GATA2: variants seen among roughly 807,000 people sequenced by gnomAD.
GATA2 encodes endothelial transcription factor GATA-2.
A neutral mutation model predicts 35.7 loss-of-function variants in GATA2; 6 were observed. The observed-to-expected ratio is 0.17, with a 90% CI of 0.09 to 0.33. The LOEUF (loss-of-function observed/expected upper bound fraction) is 0.33. Ranked by LOEUF, GATA2 falls within the 10% of genes least tolerant of loss-of-function variation. The pLI is 1.00. For synonymous variants in GATA2, 313 were observed against 274.9 expected (o/e 1.14, Z -1.37); for missense variants, 541 against 656.6 (o/e 0.82, Z 1.92).
Position 128,479,475 on chromosome 3 carries a change from TAA to T in GATA2, c.*1542_*1543del, listed in dbSNP as rs1178466463. The T allele has an allele frequency of 8.6e-6, 2 of 232,502 alleles. No individual in the cohort carries two copies. The highest frequency in any genetic ancestry group is 2.2e-5 in the African/African-American group (1 of 45,284). The allele number at this position is 232,502 out of a possible 1,614,324, so 14.4% of individuals were successfully genotyped here. ...CTTAACAGTACTCACTTTAAAGGAA[TAA>T]GAGGATAGCATACATTTTTTACAGA... is the stretch of plus-strand genomic sequence containing the variant. On this transcript the variant is annotated 3_prime_UTR_variant, in exon 6 of 6. Transcript: ENST00000341105.
Position 128,488,370 on chromosome 3 carries a change from T to TA in GATA2, c.-45-1295dup, listed in dbSNP as rs1418931921. 6.6e-6 allele frequency: 1 copy of TA among 152,194 alleles called. No individual in the cohort carries two copies. Among genetic ancestry groups the TA allele is most frequent in the Non-Finnish European group, 1.5e-5 (1 of 68,116 alleles). 9.4% of individuals were successfully genotyped at this position (152,194 alleles called of 1,614,324 possible). On this transcript the variant is annotated intron_variant, in intron 1 of 5. Coordinates refer to ENST00000341105, the MANE Select transcript of GATA2 (RefSeq NM_032638.5). This position sits in a 1 kb window ranked among gnomAD's most constrained non-coding sequence, Gnocchi z 5.8. ...TACCTACCCAGACCGTTCCCTCCCC[T>TA]AGCTCGGGCGCTGTCTGGGTGGACT...
intron 1 of GATA2, chr3:128,490,359 G>A (rs141923494): frequency 2.6e-5 from 4 of 152,426 alleles, no homozygotes; most frequent in African/African-American, 9.6e-5. Context: ...GTTAAGGAGT[G>A]CTTGAGCAGG....
intron 3 of GATA2, among the ~76,000 whole-genome samples, chr3:128,485,353 C>T (rs2068680764): frequency 6.6e-6 from 1 of 152,180 alleles, no homozygotes; most frequent in Non-Finnish European, 1.5e-5. Context: ...CACACGCTCC[C>T]AAACACATGC....
At chr3:128,491,209 C>CCA (rs2068763359) in intron 1 of GATA2, among the ~76,000 whole-genome samples, 3 of 6,794 alleles carry the variant, frequency 4.4e-4, no homozygotes, top group Non-Finnish European at 8.1e-4. Context: ...GGCCGTCCAG[C>CCA]CCCCCCCCCC....
chr3:128,480,987 G>A lies in GATA2; in HGVS notation c.*32C>T, dbSNP rs374495352. The A allele has an allele frequency of 1.2e-4, 184 of 1,520,586 alleles. No homozygotes were observed. Among genetic ancestry groups the A allele is most frequent in the Middle Eastern group, 2.4e-4 (1 of 4,196 alleles). 94.2% of individuals were successfully genotyped at this position (1,520,586 alleles called of 1,614,324 possible). On this transcript the variant is annotated 3_prime_UTR_variant, in exon 6 of 6. Coordinates refer to ENST00000341105, the MANE Select transcript of GATA2 (RefSeq NM_032638.5). ...CTAAGGGTTTGGTCCACCCATCCCG[G>A]GAGTGCCCGGTCCTCGACGTCCATC...
Position 128,481,964 on chromosome 3 carries a change from T to G in GATA2, c.1018-20A>C. On this transcript the variant is annotated intron_variant, in intron 4 of 5. Transcript: ENST00000341105. ...GGCCGACTGGGAGGGCAAGGCAGCG[T>G]CAGCAGGCTGGACTCCCACGCCCAC... 6.2e-7 allele frequency: 1 copy of G among 1,611,868 alleles called. No homozygotes were observed. The highest frequency in any genetic ancestry group is 8.5e-7 in the Non-Finnish European group (1 of 1,179,956).
At chr3:128,484,623 A>G (rs147506805) in intron 3 of GATA2, among the ~76,000 whole-genome samples, 1 of 151,094 alleles carries the variant, frequency 6.6e-6, no homozygotes, top group East Asian at 1.9e-4. Flanking sequence ...TCTTTTTTAG[A>G]TAAGTGGCCT....
chr3:128,489,710 A>G (rs1373650047), intron 1 of GATA2: 4 of 151,976 alleles, frequency 2.6e-5, no homozygotes, highest in Admixed American at 1.3e-4. Context: ...GTTCCCCTCA[A>G]CGCGTGCGGT....
chr3:128,487,021 G>T lies in GATA2; in HGVS notation c.11C>A (p.Ala4Glu), dbSNP rs1576750043. Reference protein sequence around the residue: MEVAPEQPRWMAHP... With the variant: MEVEPEQPRWMAHP... ...CGCCATCCAGCGCGGCTGCTCGGGC[G>T]CCACCTCCATGGCCGGCGGCGGCGG... Residue 4 changes from alanine (A) to glutamate (E), a missense_variant, in exon 2 of 6, where the codon GCG becomes GAG. This residue lies in a region of GATA2 where 389 missense variants were observed against 396.9 expected (regional missense o/e 0.98). Coordinates refer to ENST00000341105, the MANE Select transcript of GATA2 (RefSeq NM_032638.5). 13 of 1,586,474 alleles carry T rather than the reference G, an allele frequency of 8.2e-6. No homozygotes were observed. The highest frequency in any genetic ancestry group is 1.1e-5 in the Non-Finnish European group (13 of 1,166,776).
intron 1 of GATA2, among the ~76,000 whole-genome samples, chr3:128,491,667 C>T (rs570808990): frequency 1.3e-5 from 2 of 152,314 alleles, no homozygotes; most frequent in African/African-American, 4.8e-5. Context: ...CAGGCTCTCC[C>T]ACCTCATTAC....
intron 4 of GATA2, among the ~76,000 whole-genome samples, chr3:128,482,634 C>T (rs2107669369): frequency 6.6e-6 from 1 of 152,330 alleles, no homozygotes; most frequent in African/African-American, 2.4e-5. Flanking sequence ...GATGTGAGTG[C>T]TGATCCCCCC....
At position 128,480,831 on chromosome 3, in the gene GATA2, AG is replaced by A. The variant is rs2068616336; in HGVS notation, c.*187del. 1 of 639,054 alleles carries A rather than the reference AG, an allele frequency of 1.6e-6. No individual in the cohort carries two copies. Among genetic ancestry groups the A allele is most frequent in the African/African-American group, 1.8e-5 (1 of 54,724 alleles). 39.6% of individuals were successfully genotyped at this position (639,054 alleles called of 1,614,324 possible). ...CCACCTGGGCAGCGGTCAGGTGCGG[AG>A]GCAGCCTCTCAGCGGTGGGGAACAT... On this transcript the variant is annotated 3_prime_UTR_variant, in exon 6 of 6. Transcript: ENST00000341105.
chr3:128,486,859 G>A lies in GATA2; in HGVS notation c.173C>T (p.Pro58Leu). The A allele has an allele frequency of 1.2e-6, 2 of 1,612,428 alleles. No homozygotes were observed. The highest frequency in any genetic ancestry group is 1.7e-6 in the Non-Finnish European group (2 of 1,179,540). Residue 58 changes from proline to leucine, a missense_variant, in exon 2 of 6, where the codon CCC becomes CTC. Physicochemically the swap from Pro to Leu is moderately conservative, Grantham distance 98. Around this residue, in one of 5 missense-constraint regions of GATA2, gnomAD observed 389 missense variants for 396.9 expected, o/e 0.98. Transcript: ENST00000341105. ...CGCGTGAGCGGGGTTGGCATAGTAG[G>A]GGTTGCCCTGCGAGTCGAGGTGATT... Reference protein sequence around the residue: ...FFNHLDSQGNPYYANPAHARA... With the variant: ...FFNHLDSQGNLYYANPAHARA...
intron 1 of GATA2, chr3:128,492,369 G>C (rs1034540708): frequency 2.6e-5 from 4 of 152,268 alleles, no homozygotes; most frequent in African/African-American, 9.6e-5. Flanking sequence ...GGCTTGGGGC[G>C]GGGGGAGACT....
intron 1 of GATA2, 140 bp downstream of exon 1, chr3:128,492,759 T>A (rs1216145053): frequency 6.6e-6 from 1 of 152,282 alleles, no homozygotes; most frequent in East Asian, 1.9e-4. Flanking sequence ...AACCAGGGTT[T>A]CCGGTCTCTG....
chr3:128,490,191 C>G (rs2068754519), intron 1 of GATA2: 1 of 152,322 alleles, frequency 6.6e-6, no homozygotes, highest in African/African-American at 2.4e-5. Context: ...AGGGTCCCGG[C>G]CACTGCGGTA....
At chr3:128,486,766 G>A in intron 2 of GATA2, 37 bp downstream of exon 2, 1 of 1,556,108 alleles carries the variant, frequency 6.4e-7, no homozygotes, top group South Asian at 1.2e-5. Context: ...CTGGCGCGCG[G>A]CGCCTGGGTT....
intron 4 of GATA2, among the ~76,000 whole-genome samples, chr3:128,483,644 G>A (rs188515441): frequency 2.0e-5 from 3 of 152,272 alleles, no homozygotes; most frequent in Admixed American, 2.0e-4. Context: ...GTGGCGCAAG[G>A]GTGCCCGGTG....
rs758171435 is a variant in GATA2, at chr3:128,486,323, C to T, written c.275G>A (p.Ser92Asn). Residue 92 changes from serine (S) to asparagine (N), a missense_variant, in exon 3 of 6, where the codon AGC (serine) becomes AAC (asparagine). By Grantham distance (46) the Ser-to-Asn change is conservative. Coordinates refer to ENST00000341105, the MANE Select transcript of GATA2 (RefSeq NM_032638.5). ...GQMCRPHLLH[S>N]PGLPWLDGGK... Reference sequence around the variant, plus strand: ...CCCGTCCAGCCAGGGCAAACCCGGGCTGTGCAACAAGTGTGGGCGGCACAT... The same window carrying T: ...CCCGTCCAGCCAGGGCAAACCCGGGTTGTGCAACAAGTGTGGGCGGCACAT... 5.6e-6 allele frequency: 9 copies of T among 1,599,660 alleles called. No homozygotes were observed. In the South Asian group the frequency reaches 1.0e-4, roughly 18 times the overall value.
Sources: allele counts gnomAD v4.1 joint callset (sites outside exome capture counted in the v4.1 genomes callset), GRCh38; gene constraint gnomAD v4.1.1; regional missense constraint gnomAD v4.1.1; non-coding constraint Gnocchi (gnomAD v3.1); transcripts MANE v1.5; gene names NCBI Gene and HGNC (gene_info 2026-07-23, HGNC 2026-07-21).